Variants in PHACTR1 observed in about 807,000 individuals in gnomAD.
The protein encoded by PHACTR1 is phosphatase and actin regulator 1, also known as RPEL repeat containing 1.
In PHACTR1, 16 loss-of-function variants were observed where a neutral mutation model predicts 69.2. That is an observed-to-expected ratio of 0.23 (90% CI 0.16 to 0.35). The LOEUF is 0.35. Ranked by LOEUF, PHACTR1 falls within the 10% of genes least tolerant of loss-of-function variation. PHACTR1 has a pLI of 1.00. For synonymous variants in PHACTR1, 312 were observed against 284.5 expected, an observed-to-expected ratio of 1.10 and a Z score of -0.97; for missense variants, 510 against 734.7, an observed-to-expected ratio of 0.69 and a Z score of 3.54.
Position 13,205,852 on chromosome 6 carries a change from G to C in PHACTR1, c.702G>C (p.Val234=). The C allele has an allele frequency of 6.3e-7, 1 of 1,594,682 alleles. No individual in the cohort carries two copies. Among genetic ancestry groups the C allele is most frequent in the Non-Finnish European group, 8.6e-7 (1 of 1,164,262 alleles). The change falls in exon 8 of 15, where the codon GTG becomes GTC. Residue 234 remains valine, a synonymous_variant. Transcript: ENST00000332995. ...CTGTGAAATTGCCTTGTCTGCCAGTGAAACTGTCGCCTCCGCTACCTCCAA... is the reference window on the plus strand; with the variant it reads ...CTGTGAAATTGCCTTGTCTGCCAGTCAAACTGTCGCCTCCGCTACCTCCAA... ...GAPVKLPCLP[V]KLSPPLPPKK...
intron 4 of PHACTR1, among the ~76,000 whole-genome samples, chr6:12,938,132 T>A (rs977633874): frequency 1.3e-5 from 2 of 151,944 alleles, no homozygotes; most frequent in Non-Finnish European, 2.9e-5. Flanking sequence ...TTTCTCGGTG[T>A]TCTGGGAAAA....
At chr6:12,984,161 C>T (rs1054045267) in intron 4 of PHACTR1, among the ~76,000 whole-genome samples, 3 of 152,230 alleles carry the variant, frequency 2.0e-5, no homozygotes, top group African/African-American at 7.2e-5. Context: ...ACAGTCCCAT[C>T]AACAGTGTAA....
chr6:12,910,597 A>G (rs996598327), intron 4 of PHACTR1, among the ~76,000 whole-genome samples: 2 of 152,228 alleles, frequency 1.3e-5, no homozygotes, highest in Non-Finnish European at 2.9e-5. Flanking sequence ...GTAACCAAGG[A>G]TCCAGTTGCA....
intron 4 of PHACTR1, among the ~76,000 whole-genome samples, chr6:12,776,017 T>C (rs2127634828): frequency 6.6e-6 from 1 of 152,320 alleles, no homozygotes; most frequent in African/African-American, 2.4e-5. Flanking sequence ...GATCTTCCAG[T>C]CTTAAGAGTC....
At chr6:13,231,076 GAA>G (rs1456159304) in intron 10 of PHACTR1, among the ~76,000 whole-genome samples, 129 of 10,010 alleles carry the variant, frequency 0.013, 8 homozygotes, top group African/African-American at 0.071. Context: ...AGGAAGGAAG[GAA>G]GGAAGGAAGA....
chr6:12,744,522 G>C (rs1043672757), intron 3 of PHACTR1, among the ~76,000 whole-genome samples: 10 of 152,118 alleles, frequency 6.6e-5, no homozygotes, highest in Non-Finnish European at 1.0e-4. Context: ...TATTTCCTTT[G>C]GGTCTGGAGT....
intron 4 of PHACTR1, among the ~76,000 whole-genome samples, chr6:13,013,076 A>G (rs1799622347): frequency 6.6e-6 from 1 of 152,180 alleles, no homozygotes; most frequent in Non-Finnish European, 1.5e-5. Context: ...TTTTTTAAAG[A>G]AAAGACCCTG....
chr6:13,181,905 A>G (rs1762223375), intron 6 of PHACTR1, among the ~76,000 whole-genome samples: 1 of 152,224 alleles, frequency 6.6e-6, no homozygotes, highest in Non-Finnish European at 1.5e-5. Context: ...ATTATGAGAA[A>G]AAAATAATTT....
At chr6:12,982,948 T>G (rs1795698918) in intron 4 of PHACTR1, among the ~76,000 whole-genome samples, 1 of 152,224 alleles carries the variant, frequency 6.6e-6, no homozygotes, top group Non-Finnish European at 1.5e-5. Context: ...AATTTCTTCT[T>G]TGATCATTAA....
intron 4 of PHACTR1, among the ~76,000 whole-genome samples, chr6:13,041,080 C>G (rs1804065382): frequency 1.3e-5 from 2 of 152,146 alleles, no homozygotes; most frequent in Non-Finnish European, 2.9e-5. Flanking sequence ...GTGACTTTCT[C>G]TGTTGAGACC....
chr6:12,881,514 G>T (rs891084463), intron 4 of PHACTR1, among the ~76,000 whole-genome samples: 2 of 152,128 alleles, frequency 1.3e-5, no homozygotes, highest in African/African-American at 4.8e-5. Context: ...TCTTCCCCCA[G>T]ACATGCCCGT....
At chr6:12,985,517 G>A (rs1796038457) in intron 4 of PHACTR1, among the ~76,000 whole-genome samples, 3 of 119,730 alleles carry the variant, frequency 2.5e-5, no homozygotes, top group South Asian at 5.2e-4. Context: ...AGTTTGTAAA[G>A]TACTACAAAT....
At chr6:12,768,809 T>TAC (rs4053038) in intron 4 of PHACTR1, among the ~76,000 whole-genome samples, 4,732 of 123,204 alleles carry the variant, frequency 0.038, 106 homozygotes, top group Middle Eastern at 0.077. Flanking sequence ...ATGTGCTATC[T>TAC]ACACACACAC....
chr6:12,772,551 G>T (rs1351188046), intron 4 of PHACTR1, among the ~76,000 whole-genome samples: 2 of 152,090 alleles, frequency 1.3e-5, no homozygotes, highest in Non-Finnish European at 2.9e-5. Flanking sequence ...TCTGCACAAT[G>T]GCCTTTCTCC....
At chr6:13,048,451 C>T (rs971503578) in intron 4 of PHACTR1, among the ~76,000 whole-genome samples, 1 of 152,106 alleles carries the variant, frequency 6.6e-6, no homozygotes, top group African/African-American at 2.4e-5. Flanking sequence ...TTGCCTTCAT[C>T]CCTTTCTTTC....
intron 4 of PHACTR1, among the ~76,000 whole-genome samples, chr6:12,985,042 C>T (rs1210099442): frequency 6.6e-6 from 1 of 152,218 alleles, no homozygotes; most frequent in African/African-American, 2.4e-5. Context: ...ATCTAAACCA[C>T]AATATTCCAC....
chr6:12,767,716 A>T (rs1482225033), intron 4 of PHACTR1, among the ~76,000 whole-genome samples: 21 of 152,220 alleles, frequency 1.4e-4, no homozygotes, highest in Admixed American at 1.4e-3. Flanking sequence ...GTGTGTTTTA[A>T]AGCTCTCCAG....
chr6:12,989,092 A>G (rs1030556198), intron 4 of PHACTR1, among the ~76,000 whole-genome samples: 1 of 152,232 alleles, frequency 6.6e-6, no homozygotes, highest in Non-Finnish European at 1.5e-5. Flanking sequence ...CATAATGCCT[A>G]TCTTATAACG....
At chr6:12,970,733 G>T (rs540614560) in intron 4 of PHACTR1, among the ~76,000 whole-genome samples, 1 of 152,298 alleles carries the variant, frequency 6.6e-6, no homozygotes, top group East Asian at 1.9e-4. Context: ...TCCAGCCTGG[G>T]CAACAGAGCA....
Sources: gnomAD v4.1 joint callset for allele counts (sites outside exome capture counted in the v4.1 genomes callset) on GRCh38, gnomAD v4.1.1 for gene constraint, MANE v1.5 for transcripts, NCBI Gene and HGNC (gene_info 2026-07-23, HGNC 2026-07-21) for gene names.